GPR139: variants seen among roughly 807,000 people sequenced by gnomAD.
GPR139 encodes probable G protein-coupled receptor 139.
A neutral mutation model predicts 25.8 loss-of-function variants in GPR139; 12 were observed. That is an observed-to-expected ratio of 0.47 (90% CI 0.30 to 0.75). The LOEUF (loss-of-function observed/expected upper bound fraction) is 0.75. Among genes scored for constraint, GPR139 ranks in the 30% least tolerant of loss-of-function variants. The pLI, the probability that GPR139 is intolerant of heterozygous loss-of-function variation, is 0.07. For synonymous variants in GPR139, 184 were observed against 179.9 expected (o/e 1.02, Z -0.18); for missense variants, 380 against 450.2 (o/e 0.84, Z 1.41).
chr16:20,064,956 C>T (rs1382313042), intron 1 of GPR139, among the ~76,000 whole-genome samples: 1 of 152,182 alleles, frequency 6.6e-6, no homozygotes, highest in Non-Finnish European at 1.5e-5. Flanking sequence ...TATCCCAAAT[C>T]CCTGGTTTCA....
rs557311988 is a variant in GPR139 at position 20,031,258 on chromosome 16, C to T, written c.*477G>A. On this transcript the variant is annotated 3_prime_UTR_variant, in exon 2 of 2. Transcript: ENST00000570682. ...GGACAAAGGGCACCTTGAAAAAAAT[C>T]CTGAAATAGTCATTATTGTTAGCTC... Among the ~76,000 whole-genome samples the T allele has an allele frequency of 3.9e-5, 6 of 152,182 alleles. No homozygotes were observed. The highest frequency in any genetic ancestry group is 3.9e-4 in the East Asian group (2 of 5,170).
At chr16:20,061,347 A>G (rs1432983446) in intron 1 of GPR139, among the ~76,000 whole-genome samples, 4 of 151,812 alleles carry the variant, frequency 2.6e-5, no homozygotes, top group South Asian at 2.1e-4. Flanking sequence ...GGGTGGATGG[A>G]TAGATGAATC....
intron 1 of GPR139, among the ~76,000 whole-genome samples, chr16:20,038,009 T>C (rs1032338228): frequency 6.8e-6 from 1 of 146,378 alleles, no homozygotes; most frequent in African/African-American, 2.5e-5. Flanking sequence ...TAGAGGCACG[T>C]GCCACCACAC....
intron 1 of GPR139, among the ~76,000 whole-genome samples, chr16:20,062,121 A>G (rs1567240082): frequency 6.6e-6 from 1 of 152,192 alleles, no homozygotes; most frequent in Non-Finnish European, 1.5e-5. Context: ...TATACTTTTA[A>G]AAAAGGACAT....
intron 1 of GPR139, among the ~76,000 whole-genome samples, chr16:20,046,217 A>G (rs916727274): frequency 6.6e-6 from 1 of 152,226 alleles, no homozygotes; most frequent in African/African-American, 2.4e-5. Context: ...GACAAGGACA[A>G]AGGAAGAATT....
intron 1 of GPR139, among the ~76,000 whole-genome samples, chr16:20,050,162 G>A (rs2057367166): frequency 6.6e-6 from 1 of 152,204 alleles, no homozygotes; most frequent in South Asian, 2.1e-4. Context: ...TAGGAAGAGG[G>A]AAGAAATCTA....
intron 1 of GPR139, among the ~76,000 whole-genome samples, chr16:20,066,454 G>A (rs750995352): frequency 2.0e-5 from 3 of 152,184 alleles, no homozygotes; most frequent in Non-Finnish European, 4.4e-5. Flanking sequence ...GGCTTATGAT[G>A]GAATTGATTG....
At position 20,029,225 on chromosome 16, in the gene GPR139, A is replaced by G. The variant is rs1013107413; in HGVS notation, c.*2510T>C. 1.2e-4 allele frequency among the ~76,000 whole-genome samples: 18 copies of G among 151,906 alleles called. No homozygotes were observed. The highest frequency in any genetic ancestry group is 4.4e-4 in the African/African-American group (18 of 41,234). On this transcript the variant is annotated 3_prime_UTR_variant, in exon 2 of 2. Transcript: ENST00000570682. ...CACAATACCACGTGGTAGAGCCTCT[A>G]TCATCGAGAAGTAATAAATTAAAGT...
intron 1 of GPR139, among the ~76,000 whole-genome samples, chr16:20,046,736 A>G (rs1036685978): frequency 2.6e-5 from 4 of 152,130 alleles, no homozygotes; most frequent in African/African-American, 9.7e-5. Flanking sequence ...AATGGTAGGG[A>G]CTGTGAGTAA....
intron 1 of GPR139, among the ~76,000 whole-genome samples, chr16:20,041,233 GAGGAGAGGAGAGGAGAGGGAAGGAGAAA>G (rs2057332845): frequency 5.4e-4 from 3 of 5,518 alleles, no homozygotes; most frequent in Admixed American, 1.8e-3. Context: ...GAGGAGAGGA[GAGGAGAGGAGAGGAGAGGGAAGGAGAAA>G]AGAAAAGCAT....
At chr16:20,044,048 A>T (rs1490598065) in intron 1 of GPR139, among the ~76,000 whole-genome samples, 1 of 152,198 alleles carries the variant, frequency 6.6e-6, no homozygotes, top group Non-Finnish European at 1.5e-5. Context: ...CCTGGTTCAA[A>T]GGGATGCTGT....
At position 20,029,801 on chromosome 16, in the gene GPR139, A is replaced by G. The variant is rs559433166; in HGVS notation, c.*1934T>C. ...TCCTAATGTTCTCAGATACATTAGA[A>G]TCACACAATATGGTCCCTAAATGAG... On this transcript the variant is annotated 3_prime_UTR_variant, in exon 2 of 2. Coordinates refer to ENST00000570682, the MANE Select transcript of GPR139 (RefSeq NM_001002911.4). Among the ~76,000 whole-genome samples, 2 of 152,340 alleles carry G rather than the reference A, an allele frequency of 1.3e-5. No individual in the cohort carries two copies. The highest frequency in any genetic ancestry group is 2.1e-4 in the South Asian group (1 of 4,828).
Position 20,032,241 on chromosome 16 carries a change from T to C in GPR139, c.556A>G (p.Ile186Val). Reference sequence around the variant, plus strand: ...ACCAGGTAGACGGTGAAGCAGTGGATCCAGATGAGGACGTGATGCACAGAG... The same window carrying C: ...ACCAGGTAGACGGTGAAGCAGTGGACCCAGATGAGGACGTGATGCACAGAG... ...STSVHHVLIW[I>V]HCFTVYLVPC... Residue 186 changes from isoleucine to valine, a missense_variant, in exon 2 of 2, where the codon ATC (isoleucine) becomes GTC (valine). Ile to Val is a conservative substitution (Grantham distance 29, BLOSUM62 3). Coordinates refer to ENST00000570682, the MANE Select transcript of GPR139 (RefSeq NM_001002911.4). The C allele has an allele frequency of 6.2e-7, 1 of 1,614,052 alleles. No homozygotes were observed. The highest frequency in any genetic ancestry group is 1.1e-5 in the South Asian group (1 of 91,058).
At position 20,073,422 on chromosome 16, in the gene GPR139, G is replaced by A. The variant is rs1240434035; in HGVS notation, c.127+68C>T. On this transcript the variant is annotated intron_variant, in intron 1 of 1. Coordinates refer to ENST00000570682, the MANE Select transcript of GPR139 (RefSeq NM_001002911.4). This position sits in a 1 kb window ranked among gnomAD's most constrained non-coding sequence, Gnocchi z 4.7. ...CAGGGAACGCACGGGGGAGGACGGG[G>A]GATTCTGGGTAGGGTTGCCCGGCAC... 15 of 1,573,980 alleles carry A rather than the reference G, an allele frequency of 9.5e-6. No homozygotes were observed. Among genetic ancestry groups the A allele is most frequent in the Non-Finnish European group, 1.1e-5 (13 of 1,159,858 alleles).
chr16:20,064,960 G>T (rs2057426083), intron 1 of GPR139, among the ~76,000 whole-genome samples: 1 of 152,110 alleles, frequency 6.6e-6, no homozygotes, highest in Non-Finnish European at 1.5e-5. Flanking sequence ...CCAAATCCCT[G>T]GTTTCATGGG....
intron 1 of GPR139, among the ~76,000 whole-genome samples, chr16:20,045,718 G>T (rs906877619): frequency 6.6e-6 from 1 of 152,138 alleles, no homozygotes. Flanking sequence ...GATCTGGGGA[G>T]CTAATCACCT....
intron 1 of GPR139, among the ~76,000 whole-genome samples, chr16:20,061,555 G>A (rs1312491285): frequency 6.6e-6 from 1 of 152,198 alleles, no homozygotes; most frequent in Non-Finnish European, 1.5e-5. Context: ...TTGCCATGGG[G>A]CAAAATGAAA....
intron 1 of GPR139, among the ~76,000 whole-genome samples, chr16:20,053,023 G>A (rs543053134): frequency 1.6e-4 from 25 of 152,136 alleles, no homozygotes; most frequent in African/African-American, 5.8e-4. Context: ...TCCCTCAAGT[G>A]TTTTATAAGC....
chr16:20,043,351 C>A (rs1030148915), intron 1 of GPR139, among the ~76,000 whole-genome samples: 4 of 152,328 alleles, frequency 2.6e-5, no homozygotes, highest in African/African-American at 9.6e-5. Flanking sequence ...AACTGTATAT[C>A]TCAGTACCAA....
Sources: gnomAD v4.1 joint callset for allele counts (sites outside exome capture counted in the v4.1 genomes callset) on GRCh38, gnomAD v4.1.1 for gene constraint, Gnocchi (gnomAD v3.1) non-coding constraint, MANE v1.5 for transcripts, NCBI Gene and HGNC (gene_info 2026-07-23, HGNC 2026-07-21) for gene names.